Variants in ZNF385D observed in about 807,000 individuals in gnomAD.
ZNF385D encodes the protein zinc finger protein 659.
A neutral mutation model predicts 35.8 loss-of-function variants in ZNF385D; 15 were observed. The ratio of observed to expected loss-of-function variants is 0.42; its 90% CI spans 0.28 to 0.64. The LOEUF is 0.64. Ranked by LOEUF, ZNF385D falls within the 30% of genes least tolerant of loss-of-function variation. ZNF385D has a pLI of 0.23. For synonymous variants in ZNF385D, 212 were observed against 186.8 expected (o/e 1.13, Z -1.10); for missense variants, 474 against 494.6 (o/e 0.96, Z 0.39).
At chr3:21,745,389 A>G (rs2069719517) in intron 1 of ZNF385D, among the ~76,000 whole-genome samples, 2 of 152,190 alleles carry the variant, frequency 1.3e-5, no homozygotes, top group Non-Finnish European at 2.9e-5. Context: ...GGGTTTCATG[A>G]AAATACCTTC....
intron 3 of ZNF385D, among the ~76,000 whole-genome samples, chr3:22,024,278 T>C (rs1697402602): frequency 1.3e-5 from 2 of 152,080 alleles, no homozygotes; most frequent in Admixed American, 6.6e-5. Context: ...GATCTTGAGA[T>C]CGTGTAAGTT....
chr3:22,129,453 C>A (rs1053103917), intron 3 of ZNF385D, among the ~76,000 whole-genome samples: 12 of 152,018 alleles, frequency 7.9e-5, no homozygotes, highest in African/African-American at 2.2e-4. Flanking sequence ...TCTAAAAATG[C>A]CCTCCATGAG....
At chr3:21,787,898 A>C (rs1291803092) in intron 3 of ZNF385D, among the ~76,000 whole-genome samples, 12 of 139,442 alleles carry the variant, frequency 8.6e-5, no homozygotes, top group African/African-American at 3.2e-4. Flanking sequence ...GGCGAGATCG[A>C]GCCACTGCAC....
At chr3:21,944,120 A>T (rs182069765) in intron 3 of ZNF385D, among the ~76,000 whole-genome samples, 37 of 152,328 alleles carry the variant, frequency 2.4e-4, no homozygotes, top group African/African-American at 8.7e-4. Flanking sequence ...AAATGGAATA[A>T]AAATTCATAT....
At chr3:22,285,410 A>G (rs1357458381) in intron 2 of ZNF385D, among the ~76,000 whole-genome samples, 1 of 151,318 alleles carries the variant, frequency 6.6e-6, no homozygotes, top group Non-Finnish European at 1.5e-5. Context: ...AGAAAGACTG[A>G]AACCATTTGA....
Position 21,510,860 on chromosome 3 carries a change from C to T in ZNF385D, c.439+1G>A. On this transcript the variant is annotated splice_donor_variant, in intron 4 of 7. Coordinates refer to ENST00000281523, the MANE Select transcript of ZNF385D (RefSeq NM_024697.3). LOFTEE classifies it high-confidence loss of function. ...AACAACAACAAAGATCATTGCTTAA[C>T]CTGTTTTGTCAGAGCTGGTATTGAT... 6.2e-7 allele frequency: 1 copy of T among 1,613,896 alleles called. No homozygotes were observed. The highest frequency in any genetic ancestry group is 8.5e-7 in the Non-Finnish European group (1 of 1,179,856).
chr3:22,127,016 T>C (rs1703472083), intron 3 of ZNF385D, among the ~76,000 whole-genome samples: 2 of 152,172 alleles, frequency 1.3e-5, no homozygotes, highest in African/African-American at 4.8e-5. Context: ...TTGGCTTTCA[T>C]TAGTATGGAA....
intron 2 of ZNF385D, among the ~76,000 whole-genome samples, chr3:22,214,082 G>A (rs1697697456): frequency 6.6e-6 from 1 of 152,050 alleles, no homozygotes; most frequent in Non-Finnish European, 1.5e-5. Context: ...CGAACGGAGG[G>A]ACTGGCTGAA....
rs929449797 is a variant in ZNF385D, at chr3:21,897,628, A to G, written c.326-232600T>C. Among the ~76,000 whole-genome samples the G allele has an allele frequency of 2.0e-5, 3 of 152,182 alleles. No individual in the cohort carries two copies. In the East Asian group the frequency reaches 5.8e-4, roughly 29 times the overall value. ...TGAGCAAGAGGAGAAACAAACATCA[A>G]ACAGATTTTTTTTTCCAGGTAAGCT... On this transcript the variant is annotated intron_variant, in intron 3 of 5. Coordinates refer to the ZNF385D transcript ENST00000494108.
At chr3:21,701,808 G>A (rs1194213139) in intron 1 of ZNF385D, among the ~76,000 whole-genome samples, 6 of 152,096 alleles carry the variant, frequency 3.9e-5, no homozygotes, top group Non-Finnish European at 8.8e-5. Context: ...ATCCAGCAGG[G>A]CAGTCAAATT....
intron 3 of ZNF385D, among the ~76,000 whole-genome samples, chr3:22,065,094 C>A (rs566100965): frequency 1.3e-5 from 2 of 152,174 alleles, no homozygotes; most frequent in South Asian, 4.2e-4. Flanking sequence ...CCTTTCCTGG[C>A]TTTGATTTTA....
chr3:21,841,156 CT>C (rs1282508937), intron 3 of ZNF385D, among the ~76,000 whole-genome samples: 1 of 151,984 alleles, frequency 6.6e-6, no homozygotes, highest in East Asian at 1.9e-4. Context: ...TACTCTGCAG[CT>C]TGTGTTTTTT....
At chr3:21,762,727 A>G (rs575293382) in intron 3 of ZNF385D, among the ~76,000 whole-genome samples, 201 of 152,258 alleles carry the variant, frequency 1.3e-3, no homozygotes, top group African/African-American at 4.3e-3. Context: ...CAACCCCTAG[A>G]GGTATCATCT....
intron 3 of ZNF385D, among the ~76,000 whole-genome samples, chr3:22,031,564 G>C (rs572876331): frequency 1.3e-3 from 192 of 152,290 alleles, no homozygotes; most frequent in African/African-American, 4.3e-3. Flanking sequence ...ACCAAGTCCT[G>C]AGTCTGCACA....
chr3:21,975,798 C>T (rs1358942533), intron 3 of ZNF385D, among the ~76,000 whole-genome samples: 1 of 139,970 alleles, frequency 7.1e-6, no homozygotes, highest in Non-Finnish European at 1.5e-5. Flanking sequence ...TACTATGTAA[C>T]TACTATGTAC....
At chr3:21,571,061 A>G (rs965301381) in intron 2 of ZNF385D, among the ~76,000 whole-genome samples, 1 of 152,134 alleles carries the variant, frequency 6.6e-6, no homozygotes, top group African/African-American at 2.4e-5. Flanking sequence ...TAAGTGTATC[A>G]TTTGCAGATT....
intron 3 of ZNF385D, among the ~76,000 whole-genome samples, chr3:21,998,617 G>C (rs1695636680): frequency 6.6e-6 from 1 of 152,122 alleles, no homozygotes; most frequent in Admixed American, 6.5e-5. Context: ...TACTAGCCCA[G>C]CCAAGAGATT....
chr3:22,325,102 G>A (rs1694616877), intron 2 of ZNF385D, among the ~76,000 whole-genome samples: 2 of 152,174 alleles, frequency 1.3e-5, no homozygotes, highest in Non-Finnish European at 2.9e-5. Flanking sequence ...GCTATATAAA[G>A]TGTAATTATG....
chr3:22,254,696 G>A (rs560529806), intron 2 of ZNF385D, among the ~76,000 whole-genome samples: 1 of 151,844 alleles, frequency 6.6e-6, no homozygotes, highest in African/African-American at 2.4e-5. Flanking sequence ...GGCACAGGAA[G>A]GGATTAACAA....
Sources: gnomAD v4.1 joint callset for allele counts (sites outside exome capture counted in the v4.1 genomes callset) on GRCh38, gnomAD v4.1.1 for gene constraint, MANE v1.5 for transcripts, NCBI Gene and HGNC (gene_info 2026-07-23, HGNC 2026-07-21) for gene names.